MAFG: variants seen among roughly 807,000 people sequenced by gnomAD.
MAFG encodes the protein transcription factor MafG.
In MAFG, 3 loss-of-function variants were observed where a neutral mutation model predicts 12.2. The ratio of observed to expected loss-of-function variants is 0.25; its 90% CI spans 0.11 to 0.64. The LOEUF (loss-of-function observed/expected upper bound fraction) is 0.64. Among genes scored for constraint, MAFG ranks in the 30% least tolerant of loss-of-function variants. MAFG has a pLI of 0.85. For missense variants in MAFG, 153 were observed against 235.5 expected (o/e 0.65, Z 2.29); for synonymous variants, 126 against 109.1 (o/e 1.15, Z -0.96).
chr17:81,927,085 G>T (rs2040946865), intron 1 of MAFG, among the ~76,000 whole-genome samples: 2 of 150,096 alleles, frequency 1.3e-5, no homozygotes, highest in Non-Finnish European at 3.0e-5. Context: ...GGCTCGCCGC[G>T]GACCCCCGCG....
chr17:81,927,416 C>T (rs1222256978), intron 1 of MAFG, 112 bp downstream of exon 1: 10 of 150,920 alleles, frequency 6.6e-5, no homozygotes, highest in African/African-American at 2.4e-4. Context: ...CCGCCGGGCC[C>T]CCAACCGCCC....
chr17:81,923,374 C>A, intron 1 of MAFG, 160 bp from the exon 2 acceptor site: 1 of 543,392 alleles, frequency 1.8e-6, no homozygotes, highest in South Asian at 2.5e-5. Context: ...CAGCCCTTGG[C>A]CTCTCCCAGG....
chr17:81,929,710 A>T (rs577239257), upstream of MAFG: 1 of 152,568 alleles, frequency 6.6e-6, no homozygotes, highest in Admixed American at 6.5e-5. The surrounding 1 kb of genome is among the most constrained non-coding windows in gnomAD (Gnocchi z 5.7). Context: ...CATCCCTCTC[A>T]CTCCGCACAC....
rs2040899445 is a variant in MAFG at position 81,922,403 on chromosome 17, C to T, written c.*202G>A. 1 of 449,170 alleles carries T rather than the reference C, an allele frequency of 2.2e-6. No individual in the cohort carries two copies. Among genetic ancestry groups the T allele is most frequent in the Non-Finnish European group, 3.9e-6 (1 of 259,274 alleles). The allele number at this position is 449,170 out of a possible 1,614,324, so 27.8% of individuals were successfully genotyped here. A position where few individuals can be genotyped will look rare whatever the true frequency, so the allele number is the denominator to read the frequency against. ...TCACCGCCGAACTGACCAATCCCAA[C>T]ATACAAAACACACGACGACAATGAC... is the stretch of plus-strand genomic sequence containing the variant. On this transcript the variant is annotated 3_prime_UTR_variant, in exon 3 of 3. Transcript: ENST00000357736.
rs915137437 is a variant in MAFG, at chr17:81,926,850, C to G, written c.-30+678G>C. 2.0e-5 allele frequency among the ~76,000 whole-genome samples: 3 copies of G among 151,908 alleles called. No homozygotes were observed. Among genetic ancestry groups the G allele is most frequent in the African/African-American group, 7.3e-5 (3 of 41,344 alleles). On this transcript the variant is annotated intron_variant, in intron 1 of 2. Transcript: ENST00000357736. The surrounding 1 kb of genome is among the most constrained non-coding windows in gnomAD (Gnocchi z 4.6). ...GGCACCCCAAGGCGCCGGGCCTGGC[C>G]CCCTCCCACATCCCCACGGCTCCCT...
rs2040953006 is a variant in MAFG at position 81,927,670 on chromosome 17, T to A, written c.-172A>T. ...CCTGCGCGGGCCGGGCCGAGCGCAC[T>A]GGGAAGGCCGGGCCGGACCAGGCTC... On this transcript the variant is annotated 5_prime_UTR_variant, in exon 1 of 3. Transcript: ENST00000357736. 6.8e-6 allele frequency: 1 copy of A among 147,000 alleles called. No individual in the cohort carries two copies. The highest frequency in any genetic ancestry group is 2.5e-5 in the African/African-American group (1 of 39,342). The allele number at this position is 147,000 out of a possible 1,614,324, so 9.1% of individuals were successfully genotyped here. A position where few individuals can be genotyped will look rare whatever the true frequency, so the allele number is the denominator to read the frequency against.
rs2040900830 is a variant in MAFG, at chr17:81,922,513, AAAGAG to A, written c.*87_*91del. ...GAGAAGGGTGGGGAAGAGAGGGAGG[AAAGAG>A]AAGAGAAGGAAACAGAGGGACAGGG... On this transcript the variant is annotated 3_prime_UTR_variant, in exon 3 of 3. Transcript: ENST00000357736. 7 of 1,017,370 alleles carry A rather than the reference AAAGAG, an allele frequency of 6.9e-6. No individual in the cohort carries two copies. Among genetic ancestry groups the A allele is most frequent in the Non-Finnish European group, 9.5e-6 (7 of 739,576 alleles). 63.0% of individuals were successfully genotyped at this position (1,017,370 alleles called of 1,614,324 possible). A position where few individuals can be genotyped will look rare whatever the true frequency, so the allele number is the denominator to read the frequency against.
rs976358386 is a variant in MAFG at position 81,920,064 on chromosome 17, C to T, written c.*2541G>A. The T allele has an allele frequency of 6.6e-6, 1 of 152,308 alleles. No individual in the cohort carries two copies. The highest frequency in any genetic ancestry group is 1.9e-4 in the East Asian group (1 of 5,188). The allele number at this position is 152,308 out of a possible 1,614,324, so 9.4% of individuals were successfully genotyped here. On this transcript the variant is annotated 3_prime_UTR_variant, in exon 3 of 3. Coordinates refer to ENST00000357736, the MANE Select transcript of MAFG (RefSeq NM_002359.4). ...AGCCAGGACAAAAGTGGGGGCTGCA[C>T]AAGGACAAGGAGGGCCTGTTTCTCC... is the stretch of plus-strand genomic sequence containing the variant.
Position 81,924,657 on chromosome 17 carries a change from C to A in MAFG, c.-29-1443G>T, listed in dbSNP as rs1007840962. ...CCCCACAGCCAAGCCAGCTCAGAGG[C>A]AAGGTCCCGAGGCTCCAGCCACTGG... is the stretch of plus-strand genomic sequence containing the variant. On this transcript the variant is annotated intron_variant, in intron 1 of 2. Coordinates refer to ENST00000357736, the MANE Select transcript of MAFG (RefSeq NM_002359.4). This position sits in a 1 kb window ranked among gnomAD's most constrained non-coding sequence, Gnocchi z 4.7. The A allele has an allele frequency of 3.3e-5, 5 of 152,300 alleles. No homozygotes were observed. The allele number at this position is 152,300 out of a possible 1,614,324, so 9.4% of individuals were successfully genotyped here.
In MAFG at chr17:81,922,537, G is replaced by A. The variant is rs532353831; in HGVS notation, c.*68C>T. ...GAAAGAGAAGAGAAGGAAACAGAGGGACAGGGCAGCCAAATTCGCCATGTG... is the reference window on the plus strand; with the variant it reads ...GAAAGAGAAGAGAAGGAAACAGAGGAACAGGGCAGCCAAATTCGCCATGTG... On this transcript the variant is annotated 3_prime_UTR_variant, in exon 3 of 3. Transcript: ENST00000357736. 179 of 1,207,880 alleles carry A rather than the reference G, an allele frequency of 1.5e-4. No homozygotes were observed. The highest frequency in any genetic ancestry group is 8.4e-4 in the Admixed American group (23 of 27,438). The allele number at this position is 1,207,880 out of a possible 1,614,324, so 74.8% of individuals were successfully genotyped here.
chr17:81,925,019 G>A (rs1041164724), intron 1 of MAFG, among the ~76,000 whole-genome samples: 1 of 152,242 alleles, frequency 6.6e-6, no homozygotes, highest in East Asian at 1.9e-4. Flanking sequence ...TCAAAGGTGC[G>A]CCGGGGGGTG....
chr17:81,928,779 A>G (rs1310658562), upstream of MAFG, among the ~76,000 whole-genome samples: 1 of 152,150 alleles, frequency 6.6e-6, no homozygotes, highest in East Asian at 1.9e-4. This position sits in a 1 kb window ranked among gnomAD's most constrained non-coding sequence, Gnocchi z 8.1. Context: ...AAAACAGCAC[A>G]CGGGGCCCTG....
rs1180366811 is a variant in MAFG at position 81,921,941 on chromosome 17, C to T, written c.*664G>A. ...ATGTAAACAGTGACACGGGACCCAT[C>T]GCAGGGCACACTGGACCCACCCTCA... On this transcript the variant is annotated 3_prime_UTR_variant, in exon 3 of 3. Coordinates refer to ENST00000357736, the MANE Select transcript of MAFG (RefSeq NM_002359.4). The T allele has an allele frequency of 2.0e-5, 3 of 152,210 alleles. No homozygotes were observed. Among genetic ancestry groups the T allele is most frequent in the South Asian group, 2.1e-4 (1 of 4,832 alleles). The allele number at this position is 152,210 out of a possible 1,614,324, so 9.4% of individuals were successfully genotyped here.
In MAFG at chr17:81,918,806, G is replaced by C. The variant is rs1423046192; in HGVS notation, c.*3799C>G. The stretch of plus-strand genomic sequence containing the variant: ...GAAGAAGGGCAGGGCTGGGACACAA[G>C]GTTGCTGGAGGGGCCAAAGCCCAAC... On this transcript the variant is annotated 3_prime_UTR_variant, in exon 3 of 3. Transcript: ENST00000357736. 1 of 152,396 alleles carries C rather than the reference G, an allele frequency of 6.6e-6. No individual in the cohort carries two copies. The highest frequency in any genetic ancestry group is 1.5e-5 in the Non-Finnish European group (1 of 68,128). 9.4% of individuals were successfully genotyped at this position (152,396 alleles called of 1,614,324 possible).
At chr17:81,930,000 G>C (rs140604251), upstream of MAFG, 583 of 135,400 alleles carry the variant, frequency 4.3e-3, 10 homozygotes, top group African/African-American at 0.02. This position sits in a 1 kb window ranked among gnomAD's most constrained non-coding sequence, Gnocchi z 5.7. Context: ...GTGGGACTGA[G>C]CCCCGCAGGC....
Position 81,923,010 on chromosome 17 carries a change from C to A in MAFG, c.84G>T (p.Glu28Asp). Residue 28 changes from glutamate to aspartate, a missense_variant, in exon 3 of 3, where the codon GAG (glutamate) becomes GAT (aspartate). By Grantham distance (45) the Glu-to-Asp change is conservative. Around this residue, in one of 3 missense-constraint regions of MAFG, gnomAD observed 43 missense variants for 65.6 expected, o/e 0.66. Transcript: ENST00000357736. ...GCTCCCGCACCGACATGGTCACCAG[C>A]TCCTCATCCGTCAGGCTGGTGCCAT... ...GENGTSLTDE[E>D]LVTMSVRELN... 6.3e-7 allele frequency: 1 copy of A among 1,597,810 alleles called. No individual in the cohort carries two copies. The highest frequency in any genetic ancestry group is 8.5e-7 in the Non-Finnish European group (1 of 1,172,050).
chr17:81,920,631 G>A lies in MAFG; in HGVS notation c.*1974C>T, dbSNP rs1333675647. 2 of 152,288 alleles carry A rather than the reference G, an allele frequency of 1.3e-5. No homozygotes were observed. Among genetic ancestry groups the A allele is most frequent in the East Asian group, 3.8e-4 (2 of 5,200 alleles). 9.4% of individuals were successfully genotyped at this position (152,288 alleles called of 1,614,324 possible). ...CTCTGGCGAGGAACTGAGAGCAGGA[G>A]GCAGGCTGCGCCCCCACAGGGAGGC... On this transcript the variant is annotated 3_prime_UTR_variant, in exon 3 of 3. Coordinates refer to ENST00000357736, the MANE Select transcript of MAFG (RefSeq NM_002359.4).
At position 81,918,416 on chromosome 17, in the gene MAFG, G is replaced by A; in HGVS notation, c.*4189C>T. 4.3e-6 allele frequency: 1 copy of A among 234,278 alleles called. No homozygotes were observed. Among genetic ancestry groups the A allele is most frequent in the Non-Finnish European group, 8.3e-6 (1 of 119,890 alleles). The allele number at this position is 234,278 out of a possible 1,614,324, so 14.5% of individuals were successfully genotyped here. On this transcript the variant is annotated 3_prime_UTR_variant, in exon 3 of 3. Coordinates refer to ENST00000357736, the MANE Select transcript of MAFG (RefSeq NM_002359.4). ...TAATTTAGCAATAAATACTGCGCAG[G>A]GCAGGGGTAGGGCACCAAGGCCACT...
chr17:81,928,178 G>C (rs1390477843), upstream of MAFG: 1 of 152,210 alleles, frequency 6.6e-6, no homozygotes, highest in Non-Finnish European at 1.5e-5. The surrounding 1 kb of genome is among the most constrained non-coding windows in gnomAD (Gnocchi z 8.1). Context: ...GAGCGGCGCG[G>C]GGCGGGGACG....
Sources: allele counts gnomAD v4.1 joint callset (sites outside exome capture counted in the v4.1 genomes callset), GRCh38; gene constraint gnomAD v4.1.1; regional missense constraint gnomAD v4.1.1; non-coding constraint Gnocchi (gnomAD v3.1); transcripts MANE v1.5; gene names NCBI Gene and HGNC (gene_info 2026-07-23, HGNC 2026-07-21).